DCHS2: variants seen among roughly 807,000 people sequenced by gnomAD.
The protein encoded by DCHS2 is dachsous cadherin-related 2.
Under a neutral mutation model 182.4 loss-of-function variants are expected in DCHS2, and 142 were observed. The observed-to-expected ratio is 0.78, with a 90% CI of 0.68 to 0.89. The LOEUF (loss-of-function observed/expected upper bound fraction) is 0.89, where lower values mean the gene tolerates loss of function less well. Ranked by LOEUF, DCHS2 falls within the 40% of genes least tolerant of loss-of-function variation. The probability of loss-of-function intolerance (pLI) is 0.00; values close to 1 mark genes in which losing one functional copy is unlikely to be tolerated. For synonymous variants in DCHS2, 1,740 were observed against 1,663.3 expected (o/e 1.05, Z -1.12); for missense variants, 4,319 against 4,198.6 (o/e 1.03, Z -0.79).
intron 1 of DCHS2, among the ~76,000 whole-genome samples, chr4:154,476,713 A>C (rs1735697791): frequency 6.6e-6 from 1 of 152,246 alleles, no homozygotes; most frequent in Admixed American, 6.5e-5. Context: ...GATGCTTATA[A>C]TGAGCAGGGA....
chr4:154,479,091 T>C (rs556970630), intron 1 of DCHS2, among the ~76,000 whole-genome samples: 59 of 152,156 alleles, frequency 3.9e-4, no homozygotes, highest in African/African-American at 1.3e-3. Context: ...ACTCTTGTAA[T>C]GAATGAAAAG....
intron 2 of DCHS2, among the ~76,000 whole-genome samples, chr4:154,372,124 G>A (rs368905523): frequency 1.3e-3 from 204 of 152,128 alleles, no homozygotes; most frequent in Non-Finnish European, 2.1e-3. Context: ...GATACATCCT[G>A]GTCATATATT....
chr4:154,392,767 C>T (rs1731765911), intron 1 of DCHS2, among the ~76,000 whole-genome samples: 1 of 152,124 alleles, frequency 6.6e-6, no homozygotes, highest in Non-Finnish European at 1.5e-5. Flanking sequence ...ATTTAGGGGA[C>T]TTCTTATTAC....
At position 154,491,657 on chromosome 4, in the gene DCHS2, C is replaced by T. The variant is rs1375855148; in HGVS notation, c.-302G>A. 4 of 1,246,558 alleles carry T rather than the reference C, an allele frequency of 3.2e-6. No homozygotes were observed. Among genetic ancestry groups the T allele is most frequent in the Non-Finnish European group, 4.0e-6 (4 of 996,852 alleles). The allele number at this position is 1,246,558 out of a possible 1,614,324, so 77.2% of individuals were successfully genotyped here. A position where few individuals can be genotyped will look rare whatever the true frequency, so the allele number is the denominator to read the frequency against. ...TTTCTCTCTCCTTTTATTCCCTTTA[C>T]ATCTGTTCCTTGTTCTACTCGGCTG... On this transcript the variant is annotated 5_prime_UTR_variant, in exon 1 of 20. The change abolishes an upstream ATG in the 5' untranslated region. Transcript: ENST00000357232.
intron 1 of DCHS2, chr4:154,391,264 C>A: frequency 6.2e-7 from 1 of 1,608,044 alleles, no homozygotes; most frequent in Non-Finnish European, 8.5e-7. Flanking sequence ...TCTCCGTCTT[C>A]ATTCTCTGAT....
At chr4:154,352,068 C>T (rs190597275) in intron 3 of DCHS2, among the ~76,000 whole-genome samples, 7 of 152,256 alleles carry the variant, frequency 4.6e-5, no homozygotes, top group Admixed American at 1.3e-4. Context: ...CACACACACA[C>T]ACATACATAC....
chr4:154,273,477 A>G (rs4575978), intron 13 of DCHS2, among the ~76,000 whole-genome samples: 73,024 of 151,894 alleles, frequency 0.48, 18,930 homozygotes, highest in Non-Finnish European at 0.58. Flanking sequence ...GAAGTGAAGG[A>G]TAAAAGACTA....
chr4:154,403,414 T>C (rs1732273082), intron 1 of DCHS2, among the ~76,000 whole-genome samples: 1 of 152,232 alleles, frequency 6.6e-6, no homozygotes, highest in Non-Finnish European at 1.5e-5. Flanking sequence ...GATGATTATA[T>C]AAATTTTTCT....
At chr4:154,301,971 CATA>C (rs1314028712) in intron 12 of DCHS2, among the ~76,000 whole-genome samples, 3 of 152,140 alleles carry the variant, frequency 2.0e-5, no homozygotes, top group Non-Finnish European at 4.4e-5. Flanking sequence ...ATCTTACAAT[CATA>C]ATAATAACAA....
In DCHS2 at chr4:154,377,515, T is replaced by C. The variant is rs111968847; in HGVS notation, c.2053-71A>G. On this transcript the variant is annotated intron_variant, in intron 1 of 19. Transcript: ENST00000357232. The stretch of plus-strand genomic sequence containing the variant: ...TACTTTTCAGTCAGTCATGAATTAT[T>C]AAAACAATTTGCACAACCACATAAC... 6.3e-4 allele frequency: 824 copies of C among 1,307,388 alleles called. 3 individuals are homozygous for C. The African/African-American group carries it at 0.01, about 17-fold the overall frequency. The allele number at this position is 1,307,388 out of a possible 1,614,324, so 81.0% of individuals were successfully genotyped here.
At chr4:154,362,588 T>C (rs149839879) in intron 3 of DCHS2, among the ~76,000 whole-genome samples, 26 of 152,268 alleles carry the variant, frequency 1.7e-4, no homozygotes, top group African/African-American at 5.8e-4. Context: ...AAGACTACAG[T>C]TGAGCCTTGA....
chr4:154,341,627 T>A (rs1446515230), intron 3 of DCHS2, among the ~76,000 whole-genome samples: 2 of 152,018 alleles, frequency 1.3e-5, no homozygotes, highest in Non-Finnish European at 1.5e-5. Context: ...CACACACATA[T>A]CTATCTATAT....
intron 1 of DCHS2, among the ~76,000 whole-genome samples, chr4:154,430,128 G>A (rs545233004): frequency 1.3e-5 from 2 of 152,256 alleles, no homozygotes; most frequent in East Asian, 1.9e-4. Context: ...AGAGGCAAGA[G>A]GCATACATGT....
intron 1 of DCHS2, among the ~76,000 whole-genome samples, chr4:154,451,210 T>G (rs1460058479): frequency 6.6e-6 from 1 of 152,130 alleles, no homozygotes; most frequent in African/African-American, 2.4e-5. Context: ...GTCTGGAGCC[T>G]TTGGCAGGCC....
chr4:154,413,963 C>A (rs938006400), intron 1 of DCHS2, among the ~76,000 whole-genome samples: 1 of 152,048 alleles, frequency 6.6e-6, no homozygotes, highest in Admixed American at 6.6e-5. Flanking sequence ...CTTTATTTTC[C>A]TTCTTGTACT....
At chr4:154,330,574 GA>G (rs918576475) in intron 5 of DCHS2, among the ~76,000 whole-genome samples, 16 of 150,412 alleles carry the variant, frequency 1.1e-4, no homozygotes, top group African/African-American at 3.4e-4. Context: ...CACCATTTAT[GA>G]AAAAAAAATG....
rs377068935 is a variant in DCHS2, at chr4:154,329,667, C to A, written c.3774G>T (p.Gly1258=). ...NWVALDREHR[G]HHEMTVLVTD... is the part of the protein sequence containing the mutation. ...TCACTAGCACAGTCATCTCATGGTGCCCCCGGTGCTCACGATCCAGTGCCA... is the reference window on the plus strand; with the variant it reads ...TCACTAGCACAGTCATCTCATGGTGACCCCGGTGCTCACGATCCAGTGCCA... The change falls in exon 6 of 20, where the codon GGG becomes GGT. Residue 1258 remains glycine, a synonymous_variant. Transcript: ENST00000357232. 1.2e-6 allele frequency: 2 copies of A among 1,611,882 alleles called. No individual in the cohort carries two copies. The highest frequency in any genetic ancestry group is 1.1e-5 in the South Asian group (1 of 90,986).
intron 1 of DCHS2, among the ~76,000 whole-genome samples, chr4:154,420,298 TAGATAC>T (rs1733058100): frequency 6.6e-6 from 1 of 152,058 alleles, no homozygotes; most frequent in African/African-American, 2.4e-5. Context: ...GATAGATAGA[TAGATAC>T]GTACGTACAT....
intron 7 of DCHS2, among the ~76,000 whole-genome samples, chr4:154,323,859 C>CA (rs1385824595): frequency 3.5e-5 from 5 of 144,098 alleles, no homozygotes; most frequent in East Asian, 2.1e-4. Flanking sequence ...TCCCTCCCCC[C>CA]AAAAAAAACC....
Sources: allele counts gnomAD v4.1 joint callset (sites outside exome capture counted in the v4.1 genomes callset), GRCh38; gene constraint gnomAD v4.1.1; transcripts MANE v1.5; gene names NCBI Gene and HGNC (gene_info 2026-07-23, HGNC 2026-07-21).